Variants in HSF2BP observed in about 807,000 individuals in gnomAD.
HSF2BP encodes the protein heat shock factor 2-binding protein.
Under a neutral mutation model 35.0 loss-of-function variants are expected in HSF2BP, and 35 were observed. The ratio of observed to expected loss-of-function variants is 1.00; its 90% CI spans 0.76 to 1.32. The LOEUF is 1.32. Ranked by LOEUF, HSF2BP falls within the 40% of genes most tolerant of loss-of-function variation. The pLI is 0.00. For missense variants in HSF2BP, 326 were observed against 321.7 expected (o/e 1.01, Z -0.10); for synonymous variants, 114 against 117.4 (o/e 0.97, Z 0.18).
chr21:43,635,819 C>T (rs1397007548), intron 4 of HSF2BP, among the ~76,000 whole-genome samples: 1 of 151,292 alleles, frequency 6.6e-6, no homozygotes, highest in South Asian at 2.1e-4. Flanking sequence ...ATCCCACCTA[C>T]TCGGGAGGCT....
chr21:43,637,529 C>G (rs2147050012), intron 4 of HSF2BP, among the ~76,000 whole-genome samples: 1 of 151,594 alleles, frequency 6.6e-6, no homozygotes, highest in Middle Eastern at 3.4e-3. Context: ...TCAGTCAGGC[C>G]CAGTGGCTCA....
At chr21:43,467,539 T>G in the HSF2BP span, among the ~76,000 whole-genome samples, 2 of 142,086 alleles carry the variant, frequency 1.4e-5, no homozygotes, top group African/African-American at 5.4e-5. Context: ...TTCTCAAAAC[T>G]CTTATTTCAG....
chr21:43,634,403 A>G (rs1405363894), intron 4 of HSF2BP, among the ~76,000 whole-genome samples: 4 of 152,248 alleles, frequency 2.6e-5, no homozygotes, highest in Non-Finnish European at 5.9e-5. Flanking sequence ...CTGATTTAAT[A>G]AGACAAAAAC....
rs370671002 is a variant in HSF2BP, at chr21:43,612,462, T to C, written c.692+1368A>G. On this transcript the variant is annotated intron_variant, in intron 7 of 8. Coordinates refer to ENST00000291560, the MANE Select transcript of HSF2BP (RefSeq NM_007031.2). The stretch of plus-strand genomic sequence containing the variant: ...GTCAGGAGATTGAGACCATCCTGGC[T>C]AACACGGTGAAACCCCGTCTCTACT... Among the ~76,000 whole-genome samples the C allele has an allele frequency of 1.2e-4, 18 of 151,940 alleles. No individual in the cohort carries two copies. The East Asian group carries it at 1.5e-3, about 13-fold the overall frequency.
intron 8 of HSF2BP, among the ~76,000 whole-genome samples, chr21:43,572,302 C>A (rs1297154002): frequency 6.6e-6 from 1 of 152,196 alleles, no homozygotes; most frequent in Non-Finnish European, 1.5e-5. Context: ...GGGAGAAAGA[C>A]TTGGGCTTGA....
At chr21:43,626,864 GA>G (rs1264358013) in intron 6 of HSF2BP, among the ~76,000 whole-genome samples, 19 of 116,792 alleles carry the variant, frequency 1.6e-4, no homozygotes, top group East Asian at 1.1e-3. Flanking sequence ...TCTATACCAA[GA>G]AATTTTTTTT....
chr21:43,613,897 C>T lies in HSF2BP; in HGVS notation c.625G>A (p.Val209Met), dbSNP rs1468116673. 1 of 1,611,760 alleles carries T rather than the reference C, an allele frequency of 6.2e-7. No homozygotes were observed. Among genetic ancestry groups the T allele is most frequent in the Non-Finnish European group, 8.5e-7 (1 of 1,179,530 alleles). ...GREFLVNSSR[V>M]LLDTILQLLG... is the part of the protein sequence containing the mutation. ...AGCTGCAATATGGTGTCCAAGAGCA[C>T]CCGGCTTGAATTAACCAAGAATTCA... The change falls in exon 7 of 9, where the codon GTG (valine) becomes ATG (methionine). Residue 209 changes from valine to methionine, a missense_variant. By Grantham distance (21) the Val-to-Met change is conservative (BLOSUM62 1). Coordinates refer to ENST00000291560, the MANE Select transcript of HSF2BP (RefSeq NM_007031.2).
intron 7 of HSF2BP, among the ~76,000 whole-genome samples, chr21:43,611,019 C>T (rs535484415): frequency 2.6e-5 from 4 of 152,126 alleles, no homozygotes; most frequent in South Asian, 4.2e-4. Flanking sequence ...AATTATACCC[C>T]CAAACAAAAC....
chr21:43,658,678 G>T (rs113873150), intron 1 of HSF2BP, among the ~76,000 whole-genome samples: 35 of 152,370 alleles, frequency 2.3e-4, no homozygotes, highest in Middle Eastern at 3.4e-3. Flanking sequence ...CCAAAGCTAA[G>T]ATTTCTTCCC....
At chr21:43,637,653 A>G (rs867972791) in intron 4 of HSF2BP, among the ~76,000 whole-genome samples, 1 of 147,954 alleles carries the variant, frequency 6.8e-6, no homozygotes. Flanking sequence ...CAAAAACTTA[A>G]AAAAAAAAAA....
chr21:43,628,111 C>T (rs6518309), intron 6 of HSF2BP, among the ~76,000 whole-genome samples: 1 of 152,016 alleles, frequency 6.6e-6, no homozygotes, highest in Admixed American at 6.6e-5. Flanking sequence ...TACTGAAATT[C>T]GGACAGTTAA....
At chr21:43,495,996 ATC>A in the HSF2BP span, among the ~76,000 whole-genome samples, 24 of 120,874 alleles carry the variant, frequency 2.0e-4, 4 homozygotes, top group African/African-American at 7.6e-4. Flanking sequence ...GATTTCACCC[ATC>A]TCTCTCTCAA....
At chr21:43,653,669 G>A (rs79675969) in intron 3 of HSF2BP, among the ~76,000 whole-genome samples, 3,401 of 152,240 alleles carry the variant, frequency 0.022, 66 homozygotes, top group South Asian at 0.032. Context: ...AAAGAGAAGC[G>A]TCTGAAGACT....
At chr21:43,634,981 GAGA>G (rs929339756) in intron 4 of HSF2BP, among the ~76,000 whole-genome samples, 1 of 152,064 alleles carries the variant, frequency 6.6e-6, no homozygotes, top group Non-Finnish European at 1.5e-5. Context: ...AAAGACTACT[GAGA>G]AGAACCAGGA....
At chr21:43,572,294 G>C (rs980578364) in intron 8 of HSF2BP, among the ~76,000 whole-genome samples, 4 of 152,206 alleles carry the variant, frequency 2.6e-5, no homozygotes, top group Non-Finnish European at 5.9e-5. Context: ...CAGCGCTTGG[G>C]AGAAAGACTT....
intron 8 of HSF2BP, among the ~76,000 whole-genome samples, chr21:43,588,779 T>C (rs73223085): frequency 0.02 from 3,059 of 152,274 alleles, 61 homozygotes; most frequent in Non-Finnish European, 0.034. Flanking sequence ...CCAGCCTGAA[T>C]AGTTACCTTA....
the HSF2BP span, among the ~76,000 whole-genome samples, chr21:43,500,102 CCA>C: frequency 3.1e-5 from 1 of 32,350 alleles, no homozygotes; most frequent in Non-Finnish European, 6.1e-5. Flanking sequence ...CATGCACACA[CCA>C]CACACTGCAT....
At chr21:43,639,493 A>G in intron 4 of HSF2BP, among the ~76,000 whole-genome samples, 1 of 152,344 alleles carries the variant, frequency 6.6e-6, no homozygotes, top group East Asian at 1.9e-4. Context: ...AAAAGACACG[A>G]AAAAAACATT....
rs774858105 is a variant in HSF2BP at position 43,613,988 on chromosome 21, C to T, written c.575-41G>A. Reference sequence around the variant, plus strand: ...AAACAAAACATCAAGATCATTATGACTCAGAACCTAGACAATTTTGTGCAG... The same window carrying T: ...AAACAAAACATCAAGATCATTATGATTCAGAACCTAGACAATTTTGTGCAG... On this transcript the variant is annotated intron_variant, in intron 6 of 8. Transcript: ENST00000291560. 1.5e-5 allele frequency: 21 copies of T among 1,394,518 alleles called. No individual in the cohort carries two copies. The Admixed American group carries it at 1.6e-4, about 11-fold the overall frequency. 86.4% of individuals were successfully genotyped at this position (1,394,518 alleles called of 1,614,324 possible).
Sources: gnomAD v4.1 joint callset for allele counts (sites outside exome capture counted in the v4.1 genomes callset) on GRCh38, gnomAD v4.1.1 for gene constraint, MANE v1.5 for transcripts, NCBI Gene and HGNC (gene_info 2026-07-23, HGNC 2026-07-21) for gene names.